The following ST8SIA1 variants were observed in gnomAD, a reference collection of about 807,000 sequenced individuals.
ST8SIA1 encodes the protein ST8 alpha-N-acetyl-neuraminide alpha-2,8-sialyltransferase 1, also known as alpha-N-acetylneuraminide alpha-2,8-sialyltransferase.
Under a neutral mutation model 35.9 loss-of-function variants are expected in ST8SIA1, and 16 were observed. That is an observed-to-expected ratio of 0.45 (90% CI 0.30 to 0.68). The LOEUF is 0.68. Ranked by LOEUF, ST8SIA1 falls within the 30% of genes least tolerant of loss-of-function variation. The probability of loss-of-function intolerance (pLI) is 0.09; values close to 1 mark genes in which losing one functional copy is unlikely to be tolerated. For missense variants in ST8SIA1, 383 were observed against 453.6 expected (o/e 0.84, Z 1.41); for synonymous variants, 170 against 169.6 (o/e 1.00, Z -0.02).
rs762658548 is a variant in ST8SIA1, at chr12:22,334,036, G to A, written c.197C>T (p.Thr66Met). The A allele has an allele frequency of 8.7e-6, 14 of 1,613,956 alleles. No individual in the cohort carries two copies. Among genetic ancestry groups the A allele is most frequent in the Middle Eastern group, 3.3e-4 (2 of 6,084 alleles). The change falls in exon 1 of 5, where the codon ACG becomes ATG. Residue 66 changes from threonine (T) to methionine (M), a missense_variant. Thr to Met is a moderately conservative substitution (Grantham distance 81). Transcript: ENST00000396037. ...EIVQGVLQQG[T>M]AWRRNQTAAR... ...CGCGGTCTGGTTCCTCCTCCACGCC[G>A]TGCCCTGTTGCAGCACCCCCTGCAC...
chr12:22,259,019 G>A (rs141171067), intron 2 of ST8SIA1, among the ~76,000 whole-genome samples: 6 of 152,296 alleles, frequency 3.9e-5, no homozygotes, highest in Admixed American at 1.3e-4. Flanking sequence ...CTATGAGTTT[G>A]TGGATGTCAA....
chr12:22,309,149 C>CGTTT (rs1172914250), intron 1 of ST8SIA1, among the ~76,000 whole-genome samples: 33 of 152,106 alleles, frequency 2.2e-4, no homozygotes, highest in African/African-American at 7.5e-4. Flanking sequence ...GAAGGGGACC[C>CGTTT]CAAGATAATC....
At chr12:22,277,947 T>C (rs915118606) in intron 2 of ST8SIA1, among the ~76,000 whole-genome samples, 6 of 152,146 alleles carry the variant, frequency 3.9e-5, no homozygotes, top group Non-Finnish European at 5.9e-5. Context: ...CTATGGAACA[T>C]TGAGGACAGT....
intron 4 of ST8SIA1, among the ~76,000 whole-genome samples, chr12:22,210,244 T>C (rs1865162171): frequency 6.6e-6 from 1 of 152,046 alleles, no homozygotes; most frequent in African/African-American, 2.4e-5. Context: ...AGATAGAAAT[T>C]TTCTATAGTT....
rs1865001396 is a variant in ST8SIA1 at position 22,197,350 on chromosome 12, T to C, written c.*4202A>G. The C allele has an allele frequency of 6.6e-6, 1 of 152,172 alleles. No individual in the cohort carries two copies. Among genetic ancestry groups the C allele is most frequent in the Admixed American group, 6.5e-5 (1 of 15,268 alleles). The allele number at this position is 152,172 out of a possible 1,614,324, so 9.4% of individuals were successfully genotyped here. On this transcript the variant is annotated 3_prime_UTR_variant, in exon 5 of 5. Transcript: ENST00000396037. ...TTACCTGGTGCTGGTGGGAAAGTAT[T>C]TACACAACACAATGAACATTTCCTA... is the stretch of plus-strand genomic sequence containing the variant.
chr12:22,217,010 C>T (rs1355381455), intron 4 of ST8SIA1, among the ~76,000 whole-genome samples: 1 of 152,166 alleles, frequency 6.6e-6, no homozygotes, highest in Non-Finnish European at 1.5e-5. Flanking sequence ...CTGAATAGCA[C>T]CCTTAAATAC....
chr12:22,297,336 G>A (rs1866258646), intron 1 of ST8SIA1, among the ~76,000 whole-genome samples: 1 of 150,668 alleles, frequency 6.6e-6, no homozygotes, highest in Admixed American at 6.7e-5. Flanking sequence ...TCAGCTCCAT[G>A]GACTCATCCC....
chr12:22,246,684 G>C (rs938464642), intron 4 of ST8SIA1, among the ~76,000 whole-genome samples: 4 of 152,052 alleles, frequency 2.6e-5, no homozygotes, highest in Non-Finnish European at 5.9e-5. Flanking sequence ...ATGGTCACTG[G>C]TTGAGAGCAC....
intron 4 of ST8SIA1, chr12:22,223,365 G>A (rs1865321121): frequency 1.0e-5 from 2 of 195,860 alleles, no homozygotes; most frequent in Non-Finnish European, 1.9e-5. Flanking sequence ...TTAGAGTGTG[G>A]TGCATGTATG....
rs115814068 is a variant in ST8SIA1, at chr12:22,318,882, T to C, written c.236+15115A>G. On this transcript the variant is annotated intron_variant, in intron 1 of 4. Coordinates refer to ENST00000396037, the MANE Select transcript of ST8SIA1 (RefSeq NM_003034.4). ...CAAAGGTTCAGCACAGTAAGGAAGT[T>C]TGCGAGTCCCAGAGCCAGACAGACC... Among the ~76,000 whole-genome samples the C allele has an allele frequency of 9.5e-3, 1,450 of 152,260 alleles. 27 individuals are homozygous for C. Among genetic ancestry groups the C allele is most frequent in the African/African-American group, 0.033 (1,351 of 41,530 alleles).
At chr12:22,287,364 T>C (rs1391792831) in intron 1 of ST8SIA1, 71 bp from the exon 2 acceptor site, 4 of 1,517,744 alleles carry the variant, frequency 2.6e-6, no homozygotes, top group South Asian at 1.3e-5. Flanking sequence ...CACTTGTCAT[T>C]CCCACAGAGA....
intron 4 of ST8SIA1, chr12:22,223,512 G>A: frequency 2.0e-6 from 2 of 1,010,504 alleles, no homozygotes; most frequent in Non-Finnish European, 1.2e-6. Context: ...CCAATGTCAT[G>A]TACCTGTGTG....
At chr12:22,221,507 A>C (rs185773525) in intron 4 of ST8SIA1, among the ~76,000 whole-genome samples, 43 of 152,348 alleles carry the variant, frequency 2.8e-4, no homozygotes, top group Non-Finnish European at 4.4e-5. Context: ...AAAATAACAA[A>C]GAAGAGGAGG....
chr12:22,280,766 C>T (rs1866023383), intron 2 of ST8SIA1, among the ~76,000 whole-genome samples: 1 of 152,190 alleles, frequency 6.6e-6, no homozygotes, highest in Non-Finnish European at 1.5e-5. Flanking sequence ...TTTCCTTTCC[C>T]TATGAAGATA....
At position 22,199,587 on chromosome 12, in the gene ST8SIA1, C is replaced by T. The variant is rs979703562; in HGVS notation, c.*1965G>A. 3 of 152,098 alleles carry T rather than the reference C, an allele frequency of 2.0e-5. No homozygotes were observed. The highest frequency in any genetic ancestry group is 7.2e-5 in the African/African-American group (3 of 41,428). The allele number at this position is 152,098 out of a possible 1,614,324, so 9.4% of individuals were successfully genotyped here. On this transcript the variant is annotated 3_prime_UTR_variant, in exon 5 of 5. Transcript: ENST00000396037. Reference sequence around the variant, plus strand: ...AGTTCTCCAATAGCATCATTACTCTCGAATTCTTAACTTTCTAAGTAACAT... The same window carrying T: ...AGTTCTCCAATAGCATCATTACTCTTGAATTCTTAACTTTCTAAGTAACAT...
At chr12:22,286,409 A>C in intron 2 of ST8SIA1, 1 of 516,474 alleles carries the variant, frequency 1.9e-6, no homozygotes, top group Non-Finnish European at 3.9e-6. Flanking sequence ...TTTCTGTACA[A>C]TCATCTGAGC....
At chr12:22,237,027 T>C (rs1865482644) in intron 4 of ST8SIA1, among the ~76,000 whole-genome samples, 1 of 152,202 alleles carries the variant, frequency 6.6e-6, no homozygotes, top group African/African-American at 2.4e-5. Flanking sequence ...TTTATTCATA[T>C]TGTTTGCCCC....
At chr12:22,333,209 T>C (rs1393871116) in intron 1 of ST8SIA1, among the ~76,000 whole-genome samples, 1 of 152,216 alleles carries the variant, frequency 6.6e-6, no homozygotes. Flanking sequence ...TTTGTTTGTT[T>C]TCTGACTTCA....
At chr12:22,305,620 A>C (rs1293217309) in intron 1 of ST8SIA1, among the ~76,000 whole-genome samples, 3 of 152,006 alleles carry the variant, frequency 2.0e-5, no homozygotes, top group African/African-American at 7.2e-5. Flanking sequence ...ACCTCAGGTG[A>C]CCCACCTGCC....
Sources: gnomAD v4.1 joint callset for allele counts (sites outside exome capture counted in the v4.1 genomes callset) on GRCh38, gnomAD v4.1.1 for gene constraint, MANE v1.5 for transcripts, NCBI Gene and HGNC (gene_info 2026-07-23, HGNC 2026-07-21) for gene names.